ERI1: variants seen among roughly 807,000 people sequenced by gnomAD.
ERI1 encodes the protein 3'-5' exoribonuclease 1.
Under a neutral mutation model 39.7 loss-of-function variants are expected in ERI1, and 39 were observed. The ratio of observed to expected loss-of-function variants is 0.98; its 90% CI spans 0.76 to 1.28. The LOEUF is 1.28. Among genes scored for constraint, ERI1 ranks in the 50% most tolerant of loss-of-function variants. The pLI is 0.00. For missense variants in ERI1, 581 were observed against 416.9 expected (o/e 1.39, Z -3.43); for synonymous variants, 204 against 149.6 (o/e 1.36, Z -2.65).
chr8:9,094,213 C>T (rs1799799572), intron 3 of ERI1, among the ~76,000 whole-genome samples: 1 of 152,238 alleles, frequency 6.6e-6, no homozygotes, highest in African/African-American at 2.4e-5. Context: ...GCTCCAATTT[C>T]TAAAATAATA....
chr8:9,032,425 G>A lies in ERI1; in HGVS notation c.*2391G>A, dbSNP rs957294618. ...TTATAACCAACTGAAGTATATAATA[G>A]AGCATTACATTTTATCTTTATTTGT... On this transcript the variant is annotated 3_prime_UTR_variant, in exon 7 of 7. Coordinates refer to ENST00000250263, the MANE Select transcript of ERI1 (RefSeq NM_153332.4). The A allele has an allele frequency of 2.6e-5, 4 of 152,090 alleles. No homozygotes were observed. The allele number at this position is 152,090 out of a possible 1,614,324, so 9.4% of individuals were successfully genotyped here. A position where few individuals can be genotyped will look rare whatever the true frequency, so the allele number is the denominator to read the frequency against.
At chr8:9,039,063 T>C (rs1035535808) in intron 3 of ERI1, among the ~76,000 whole-genome samples, 2 of 152,188 alleles carry the variant, frequency 1.3e-5, no homozygotes, top group Admixed American at 6.5e-5. Flanking sequence ...TTTAGAAGTG[T>C]TTACTTAGAA....
intron 3 of ERI1, among the ~76,000 whole-genome samples, chr8:9,097,667 A>T (rs1799919379): frequency 1.9e-5 from 1 of 52,650 alleles, no homozygotes; most frequent in Non-Finnish European, 3.9e-5. Context: ...ACACTCTGTC[A>T]AAAAAAAAAA....
intron 3 of ERI1, among the ~76,000 whole-genome samples, chr8:9,091,942 A>T (rs189123144): frequency 6.6e-6 from 1 of 152,258 alleles, no homozygotes; most frequent in East Asian, 1.9e-4. Context: ...CTTACGCTGA[A>T]GTGTGTGCAT....
intron 3 of ERI1, among the ~76,000 whole-genome samples, chr8:9,041,993 C>G (rs1378729066): frequency 1.3e-5 from 2 of 152,212 alleles, no homozygotes; most frequent in Admixed American, 1.3e-4. Context: ...CTTGGCCTCC[C>G]AAAGTGCTGG....
At chr8:9,010,044 C>A (rs763618339) in intron 2 of ERI1, among the ~76,000 whole-genome samples, 1 of 152,134 alleles carries the variant, frequency 6.6e-6, no homozygotes, top group African/African-American at 2.4e-5. Flanking sequence ...AAGAATGAAT[C>A]GAAGTGTTGT....
chr8:9,045,711 C>CG (rs1315541870), intron 3 of ERI1, among the ~76,000 whole-genome samples: 2 of 147,484 alleles, frequency 1.4e-5, no homozygotes, highest in Non-Finnish European at 3.0e-5. Flanking sequence ...GAGTCTCACT[C>CG]TGTCACCCAG....
intron 3 of ERI1, among the ~76,000 whole-genome samples, chr8:9,078,929 G>A (rs1222442029): frequency 6.6e-6 from 1 of 152,134 alleles, no homozygotes; most frequent in Non-Finnish European, 1.5e-5. Flanking sequence ...ATCGCTACTA[G>A]TGCTGAGTGA....
At chr8:9,070,945 A>G (rs1585282447) in intron 3 of ERI1, among the ~76,000 whole-genome samples, 1 of 152,164 alleles carries the variant, frequency 6.6e-6, no homozygotes, top group East Asian at 1.9e-4. Context: ...ACAGAGACTT[A>G]CAAGGGCACC....
Position 9,008,149 on chromosome 8 carries a change from G to A in ERI1, c.287+1G>A. 6.4e-7 allele frequency: 1 copy of A among 1,566,526 alleles called. No homozygotes were observed. Among genetic ancestry groups the A allele is most frequent in the Non-Finnish European group, 8.6e-7 (1 of 1,159,832 alleles). On this transcript the variant is annotated splice_donor_variant, in intron 2 of 6. Coordinates refer to ENST00000250263, the MANE Select transcript of ERI1 (RefSeq NM_153332.4). LOFTEE classifies it high-confidence loss of function. ...TTTCAGAATTCAAGCTTGAAACTAG[G>A]TAATTAAAAATAACTTATAAAATTA...
chr8:9,080,234 C>A (rs1799328417), intron 3 of ERI1, among the ~76,000 whole-genome samples: 1 of 152,124 alleles, frequency 6.6e-6, no homozygotes, highest in African/African-American at 2.4e-5. Flanking sequence ...CTCCCTGGGC[C>A]TGATAATTTA....
intron 3 of ERI1, among the ~76,000 whole-genome samples, chr8:9,097,554 A>G (rs1022786972): frequency 3.9e-5 from 6 of 152,022 alleles, no homozygotes; most frequent in Non-Finnish European, 5.9e-5. Flanking sequence ...CTGTAGTCCC[A>G]GCTACGCAGG....
At chr8:9,023,005 T>C (rs74524526) in intron 6 of ERI1, among the ~76,000 whole-genome samples, 1 of 152,218 alleles carries the variant, frequency 6.6e-6, no homozygotes. Flanking sequence ...CTTAAAAAAT[T>C]AGCAGTAATT....
chr8:9,092,486 A>T (rs909774157), intron 3 of ERI1, among the ~76,000 whole-genome samples: 1 of 152,200 alleles, frequency 6.6e-6, no homozygotes, highest in Non-Finnish European at 1.5e-5. Flanking sequence ...GTAGGTGAAG[A>T]TGTCAGGAAA....
chr8:9,029,983 C>T lies in ERI1; in HGVS notation c.999C>T (p.Ser333=). ...GACAGCTAATGAGTGTGTCCTCTTC[C>T]TTACCAATAGAGGGCACTCCACCAC... ...HAGQLMSVSS[S]LPIEGTPPPQ... Residue 333 remains serine (S), a synonymous_variant, in exon 7 of 7, where the codon TCC becomes TCT. Coordinates refer to ENST00000250263, the MANE Select transcript of ERI1 (RefSeq NM_153332.4). The T allele has an allele frequency of 6.2e-7, 1 of 1,614,062 alleles. No individual in the cohort carries two copies. The highest frequency in any genetic ancestry group is 8.5e-7 in the Non-Finnish European group (1 of 1,179,990).
chr8:9,096,990 T>C (rs1054242829), intron 3 of ERI1: 1 of 152,108 alleles, frequency 6.6e-6, no homozygotes, highest in Non-Finnish European at 1.5e-5. Context: ...GTCAGGGCTC[T>C]TCACTCTCTA....
chr8:9,015,740 A>AAAAAAAAAG (rs1182633803), intron 3 of ERI1, among the ~76,000 whole-genome samples: 20 of 148,522 alleles, frequency 1.3e-4, no homozygotes, highest in African/African-American at 4.9e-4. Flanking sequence ...AAAAAAAAAA[A>AAAAAAAAAG]AGAGACCATC....
chr8:9,018,265 G>T (rs982827538), intron 4 of ERI1, 32 bp from the exon 5 acceptor site: 2 of 1,388,146 alleles, frequency 1.4e-6, no homozygotes, highest in African/African-American at 2.9e-5. Context: ...CTGCAGCCCT[G>T]ATTTTTGTAT....
chr8:9,014,581 G>C (rs1043108805), intron 3 of ERI1, among the ~76,000 whole-genome samples: 1 of 152,062 alleles, frequency 6.6e-6, no homozygotes, highest in African/African-American at 2.4e-5. Flanking sequence ...TGAATGTATA[G>C]TTCTCTCTAG....
Sources: gnomAD v4.1 joint callset for allele counts (sites outside exome capture counted in the v4.1 genomes callset) on GRCh38, gnomAD v4.1.1 for gene constraint, MANE v1.5 for transcripts, NCBI Gene and HGNC (gene_info 2026-07-23, HGNC 2026-07-21) for gene names.